The following CPLANE1 variants were observed in gnomAD, a reference collection of about 807,000 sequenced individuals.
The protein encoded by CPLANE1 is ciliogenesis and planar polarity effector complex subunit 1, also known as ciliogenesis and planar polarity effector 1.
Under a neutral mutation model 362.5 loss-of-function variants are expected in CPLANE1, and 263 were observed. The observed-to-expected ratio is 0.73, with a 90% CI of 0.66 to 0.80. CPLANE1 has a LOEUF of 0.80. Ranked by LOEUF, CPLANE1 falls within the 30% of genes least tolerant of loss-of-function variation. The pLI is 0.00. For missense variants in CPLANE1, 3,461 were observed against 3,793.4 expected, an observed-to-expected ratio of 0.91 and a Z score of 2.30; for synonymous variants, 1,212 against 1,302.6, an observed-to-expected ratio of 0.93 and a Z score of 1.50.
intron 41 of CPLANE1, among the ~76,000 whole-genome samples, chr5:37,154,315 G>T (rs1001053356): frequency 6.6e-6 from 1 of 151,908 alleles, no homozygotes; most frequent in Non-Finnish European, 1.5e-5. Flanking sequence ...AACATCACAC[G>T]TTAAAAGCTA....
intron 47 of CPLANE1, among the ~76,000 whole-genome samples, chr5:37,123,930 T>TACACACACACAC (rs56833956): frequency 0.026 from 3,813 of 144,474 alleles, 61 homozygotes; most frequent in Non-Finnish European, 0.037. Context: ...TAGGGGAACA[T>TACACACACACAC]ACACACACAC....
rs879600002 is a variant in CPLANE1, at chr5:37,234,875, AAT to A, written c.939-3828_939-3827del. ...GTAGTTTGTGAGTGTATTATTTCAT[AAT>A]AGTCTTAATAGACGTTGTTCTGTGG... On this transcript the variant is annotated intron_variant, in intron 8 of 52. Transcript: ENST00000651892. Among the ~76,000 whole-genome samples, 40 of 152,320 alleles carry A rather than the reference AAT, an allele frequency of 2.6e-4. 2 individuals are homozygous for A. Among genetic ancestry groups the A allele is most frequent in the Admixed American group, 1.4e-3 (21 of 15,300 alleles).
chr5:37,110,803 C>CTTTTT (rs529885756), intron 51 of CPLANE1, among the ~76,000 whole-genome samples: 8 of 125,042 alleles, frequency 6.4e-5, no homozygotes, highest in East Asian at 2.3e-4. Flanking sequence ...AATGTATTAA[C>CTTTTT]TTTTTTTTTT....
rs752341833 is a variant in CPLANE1, at chr5:37,142,348, C to T, written c.8594G>A (p.Ser2865Asn). 6.7e-5 allele frequency: 108 copies of T among 1,606,836 alleles called. No homozygotes were observed. Among genetic ancestry groups the T allele is most frequent in the Non-Finnish European group, 9.1e-5 (107 of 1,177,660 alleles). The change falls in exon 44 of 53, where the codon AGC (serine) becomes AAC (asparagine). Residue 2865 changes from serine (S) to asparagine (N), a missense_variant. Ser to Asn is a conservative substitution (Grantham distance 46). This residue lies in a region of CPLANE1 where 3,380 missense variants were observed against 3,666.1 expected (regional missense o/e 0.92). Coordinates refer to ENST00000651892, the MANE Select transcript of CPLANE1 (RefSeq NM_001384732.1). ...ATTCTGATCACTGGAACTGGAAAGG[C>T]TGACAGCTGAATCGGCAGTAGGAAA... ...CVFPTADSAV[S>N]LSSSSDQNTT...
chr5:37,092,988 C>T, the CPLANE1 span, among the ~76,000 whole-genome samples: 3 of 152,114 alleles, frequency 2.0e-5, no homozygotes, highest in Admixed American at 6.5e-5. Context: ...TGTCATGGTA[C>T]TAAGGAGATA....
At chr5:37,206,666 A>G in intron 16 of CPLANE1, among the ~76,000 whole-genome samples, 1 of 152,316 alleles carries the variant, frequency 6.6e-6, no homozygotes, top group South Asian at 2.1e-4. Flanking sequence ...CAAAAGAGAA[A>G]AAAAACAAAA....
intron 43 of CPLANE1, among the ~76,000 whole-genome samples, chr5:37,144,626 C>A (rs533932396): frequency 6.6e-6 from 1 of 151,374 alleles, no homozygotes; most frequent in Non-Finnish European, 1.5e-5. Context: ...CCGAGGCAGG[C>A]GGATCACGAG....
chr5:37,184,131 T>C (rs145651390), intron 25 of CPLANE1, among the ~76,000 whole-genome samples: 78 of 152,308 alleles, frequency 5.1e-4, no homozygotes, highest in African/African-American at 1.8e-3. Flanking sequence ...GCTCCCCTAA[T>C]ACCATGTGTA....
In CPLANE1 at chr5:37,227,698, A is replaced by G. The variant is rs1796751713; in HGVS notation, c.1241T>C (p.Ile414Thr). Residue 414 changes from isoleucine to threonine, a missense_variant, in exon 10 of 53, where the codon ATA becomes ACA. Ile to Thr is a moderately conservative substitution (Grantham distance 89). Transcript: ENST00000651892. The stretch of plus-strand genomic sequence containing the variant: ...GGTTGTGACCATATATCCATCAGAT[A>G]TAACGAGGTAGGGTAACCGTGAGTG... ...KAHSRLPYLV[I>T]SDGYMVTTLR... The G allele has an allele frequency of 1.3e-6, 2 of 1,551,528 alleles. No individual in the cohort carries two copies. The highest frequency in any genetic ancestry group is 1.7e-6 in the Non-Finnish European group (2 of 1,146,900).
At chr5:37,239,580 C>CAAAAAAAA in intron 7 of CPLANE1, 133 bp downstream of exon 7, 1 of 302,312 alleles carries the variant, frequency 3.3e-6, no homozygotes, top group Non-Finnish European at 5.1e-6. Flanking sequence ...GAGACCCTGT[C>CAAAAAAAA]AAAAAAAAAA....
At chr5:37,201,557 T>C in intron 19 of CPLANE1, 34 bp downstream of exon 19, 1 of 1,512,390 alleles carries the variant, frequency 6.6e-7, no homozygotes, top group Non-Finnish European at 9.0e-7. Flanking sequence ...AAATCAACTT[T>C]AAATTAATTT....
chr5:37,120,263 T>C lies in CPLANE1; in HGVS notation c.9263A>G (p.His3088Arg), dbSNP rs547370426. 8.7e-5 allele frequency: 140 copies of C among 1,604,198 alleles called. No individual in the cohort carries two copies. Among genetic ancestry groups the C allele is most frequent in the Middle Eastern group, 8.3e-4 (5 of 6,040 alleles). Residue 3088 changes from histidine (H) to arginine (R), a missense_variant, in exon 50 of 53, where the codon CAT (histidine) becomes CGT (arginine). Physicochemically the swap from His to Arg is conservative, Grantham distance 29. Coordinates refer to ENST00000651892, the MANE Select transcript of CPLANE1 (RefSeq NM_001384732.1). ...VKYMSKPSYI[H>R]KRKSFGQPQG... The stretch of plus-strand genomic sequence containing the variant: ...AGGTTGCCCAAAAGACTTCCTCTTA[T>C]GGATATAACTCGGTTTGGACATATA...
Position 37,121,724 on chromosome 5 carries a change from T to G in CPLANE1, c.9078A>C (p.Glu3026Asp). The G allele has an allele frequency of 6.2e-7, 1 of 1,613,896 alleles. No individual in the cohort carries two copies. The highest frequency in any genetic ancestry group is 2.2e-5 in the East Asian group (1 of 44,888). The stretch of plus-strand genomic sequence containing the variant: ...GTAGCTGTACTGACTCAGATAACAG[T>G]TCATTCATCAGACCGTACGCTTGTG... Reference protein sequence around the residue: ...RISQAYGLMNELLSESVQLPT... With the variant: ...RISQAYGLMNDLLSESVQLPT... Residue 3026 changes from glutamate (E) to aspartate (D), a missense_variant, in exon 49 of 53, where the codon GAA becomes GAC. Coordinates refer to ENST00000651892, the MANE Select transcript of CPLANE1 (RefSeq NM_001384732.1).
At chr5:37,132,506 G>A (rs113986633) in intron 46 of CPLANE1, among the ~76,000 whole-genome samples, 7,351 of 151,838 alleles carry the variant, frequency 0.048, 598 homozygotes, top group African/African-American at 0.17. Context: ...CACCACGCCC[G>A]GCTAATTTTT....
intron 16 of CPLANE1, chr5:37,211,579 C>T: frequency 2.0e-6 from 2 of 1,014,236 alleles, no homozygotes; most frequent in Admixed American, 1.7e-5. Context: ...TCCTCCACAC[C>T]CCTTCCAAAA....
chr5:37,132,326 C>T (rs112108668), intron 46 of CPLANE1, among the ~76,000 whole-genome samples: 20 of 137,498 alleles, frequency 1.5e-4, no homozygotes, highest in African/African-American at 5.4e-4. Context: ...TTTGCTTATT[C>T]GATTGTTCAA....
chr5:37,169,957 C>T, intron 33 of CPLANE1, 84 bp downstream of exon 33: 1 of 1,372,820 alleles, frequency 7.3e-7, no homozygotes, highest in Non-Finnish European at 1.0e-6. Flanking sequence ...GAACTCCCAA[C>T]CTCAGGTGTG....
chr5:37,231,025 G>A lies in CPLANE1; in HGVS notation c.963C>T (p.Ser321=). The A allele has an allele frequency of 1.3e-6, 2 of 1,544,890 alleles. No homozygotes were observed. Among genetic ancestry groups the A allele is most frequent in the African/African-American group, 1.4e-5 (1 of 72,834 alleles). ...CCAGAAAAAGACTATCATGCGTCCA[G>A]CTGATATCACCTACCCAGTAGGACC... ...LIRSYWVGDI[S]WTHDSLFLAC... The change falls in exon 9 of 53, where the codon AGC becomes AGT. Residue 321 remains serine (S), a synonymous_variant. Coordinates refer to ENST00000651892, the MANE Select transcript of CPLANE1 (RefSeq NM_001384732.1).
At chr5:37,220,373 A>G (rs1795099485) in intron 15 of CPLANE1, among the ~76,000 whole-genome samples, 1 of 152,200 alleles carries the variant, frequency 6.6e-6, no homozygotes. Flanking sequence ...ACACATTCGT[A>G]TATACAGTAA....
Sources: gnomAD v4.1 joint callset for allele counts (sites outside exome capture counted in the v4.1 genomes callset) on GRCh38, gnomAD v4.1.1 for gene constraint, gnomAD v4.1.1 regional missense constraint, MANE v1.5 for transcripts, NCBI Gene and HGNC (gene_info 2026-07-23, HGNC 2026-07-21) for gene names.